Variants in ADGRL3 observed in about 807,000 individuals in gnomAD.
ADGRL3 encodes calcium-independent alpha-latrotoxin receptor 3.
A neutral mutation model predicts 153.5 loss-of-function variants in ADGRL3; 62 were observed. That is an observed-to-expected ratio of 0.40 (90% confidence interval 0.33 to 0.50). ADGRL3 has a LOEUF of 0.50. Ranked by LOEUF, ADGRL3 falls within the 20% of genes least tolerant of loss-of-function variation. The pLI, the probability that ADGRL3 is intolerant of heterozygous loss-of-function variation, is 0.47. For missense variants in ADGRL3, 1,641 were observed against 1,859.4 expected (o/e 0.88, Z 2.16); for synonymous variants, 710 against 672.5 (o/e 1.06, Z -0.86).
At chr4:61,821,325 T>C (rs2097754410) in intron 9 of ADGRL3, among the ~76,000 whole-genome samples, 1 of 146,168 alleles carries the variant, frequency 6.8e-6, no homozygotes, top group Admixed American at 7.0e-5. Flanking sequence ...TATAGTGAAC[T>C]ACTTTTTATT....
intron 2 of ADGRL3, among the ~76,000 whole-genome samples, chr4:61,483,839 A>G (rs1409364121): frequency 1.3e-5 from 2 of 150,880 alleles, no homozygotes; most frequent in Non-Finnish European, 1.5e-5. Flanking sequence ...ATATGTAGTT[A>G]TATGTACATT....
intron 6 of ADGRL3, among the ~76,000 whole-genome samples, chr4:61,685,145 T>C (rs2095419219): frequency 6.6e-6 from 1 of 152,036 alleles, no homozygotes; most frequent in African/African-American, 2.4e-5. Flanking sequence ...CTCAAACTCC[T>C]GGGCTCAAGA....
At chr4:62,043,343 A>T (rs1344177226) in intron 24 of ADGRL3, among the ~76,000 whole-genome samples, 1 of 152,070 alleles carries the variant, frequency 6.6e-6, no homozygotes, top group Non-Finnish European at 1.5e-5. Flanking sequence ...TTAACCAACT[A>T]ATAAAACAAA....
intron 9 of ADGRL3, among the ~76,000 whole-genome samples, chr4:61,822,337 C>T (rs187272245): frequency 6.6e-6 from 1 of 151,966 alleles, no homozygotes; most frequent in Non-Finnish European, 1.5e-5. Flanking sequence ...TAAGTATGTA[C>T]CTTGTATCAA....
intron 8 of ADGRL3, among the ~76,000 whole-genome samples, chr4:61,812,571 A>C (rs2097642732): frequency 6.6e-6 from 1 of 152,218 alleles, no homozygotes; most frequent in African/African-American, 2.4e-5. Context: ...TTGTAGAAAG[A>C]AAGTAGTGGG....
chr4:61,661,417 T>A (rs1252892446), intron 5 of ADGRL3, among the ~76,000 whole-genome samples: 1 of 152,094 alleles, frequency 6.6e-6, no homozygotes, highest in Middle Eastern at 3.2e-3. Context: ...GGTTTCTTAA[T>A]AAAGGGAGAC....
Position 61,836,890 on chromosome 4 carries a change from G to A in ADGRL3, c.1480+23001G>A, listed in dbSNP as rs750147743. Among the ~76,000 whole-genome samples the A allele has an allele frequency of 1.2e-3, 186 of 152,048 alleles. 1 individual carries two copies. The highest frequency in any genetic ancestry group is 3.7e-3 in the African/African-American group (154 of 41,470). ...AATACTGAATAATACAAGAAAAATC[G>A]AAATCGAAGACTTAGGAAATATCAT... On this transcript the variant is annotated intron_variant, in intron 9 of 26. Coordinates refer to ENST00000683033, the MANE Select transcript of ADGRL3 (RefSeq NM_001387552.1).
intron 6 of ADGRL3, among the ~76,000 whole-genome samples, chr4:61,730,341 T>C (rs1479160476): frequency 6.6e-6 from 1 of 151,924 alleles, no homozygotes; most frequent in Non-Finnish European, 1.5e-5. Flanking sequence ...ATTTCCTGTG[T>C]CTGTAATTTG....
intron 1 of ADGRL3, among the ~76,000 whole-genome samples, chr4:61,253,192 A>T (rs899642529): frequency 6.6e-6 from 1 of 152,202 alleles, no homozygotes; most frequent in East Asian, 1.9e-4. Flanking sequence ...TTCCCCAGCT[A>T]TCAAGAATTA....
intron 5 of ADGRL3, among the ~76,000 whole-genome samples, chr4:61,622,231 C>T (rs1440804610): frequency 6.6e-6 from 1 of 151,932 alleles, no homozygotes; most frequent in Non-Finnish European, 1.5e-5. Context: ...TTCTGTAAAG[C>T]TTCTATATTC....
intron 5 of ADGRL3, among the ~76,000 whole-genome samples, chr4:61,660,166 G>A (rs1467060028): frequency 6.6e-6 from 1 of 152,098 alleles, no homozygotes; most frequent in African/African-American, 2.4e-5. Flanking sequence ...CTTTCTTCGT[G>A]TATGCATACC....
intron 5 of ADGRL3, among the ~76,000 whole-genome samples, chr4:61,600,351 T>A (rs2099006316): frequency 1.4e-5 from 2 of 146,056 alleles, no homozygotes; most frequent in Non-Finnish European, 3.0e-5. Context: ...AAATGAGATA[T>A]TCAACAACTG....
intron 1 of ADGRL3, among the ~76,000 whole-genome samples, chr4:61,277,042 G>T (rs2093496295): frequency 6.6e-6 from 1 of 152,086 alleles, no homozygotes; most frequent in African/African-American, 2.4e-5. Context: ...TTATTTAAAA[G>T]ATAAGTCTGA....
chr4:61,564,640 A>G (rs974737617), intron 4 of ADGRL3, among the ~76,000 whole-genome samples: 19 of 152,188 alleles, frequency 1.2e-4, no homozygotes, highest in African/African-American at 3.6e-4. Flanking sequence ...TACATTCACA[A>G]CTTGACTGCT....
chr4:62,050,221 C>A (rs948887067), intron 25 of ADGRL3, among the ~76,000 whole-genome samples: 1 of 152,018 alleles, frequency 6.6e-6, no homozygotes, highest in Admixed American at 6.6e-5. Flanking sequence ...ATGCACATTG[C>A]ATCTGCTTAT....
At chr4:61,782,641 G>A (rs1281313286) in intron 8 of ADGRL3, among the ~76,000 whole-genome samples, 2 of 152,054 alleles carry the variant, frequency 1.3e-5, no homozygotes, top group Admixed American at 1.3e-4. Flanking sequence ...TTTCACTGGT[G>A]TTTTTTCCCT....
intron 1 of ADGRL3, among the ~76,000 whole-genome samples, chr4:61,291,567 CATATATATATATATACAT>C (rs1560434281): frequency 7.4e-6 from 1 of 134,370 alleles, no homozygotes; most frequent in African/African-American, 3.1e-5. Context: ...TATATATATA[CATATATATATATATACAT>C]ATATATATAT....
At chr4:61,693,100 G>T (rs1054527477) in intron 6 of ADGRL3, among the ~76,000 whole-genome samples, 5 of 151,784 alleles carry the variant, frequency 3.3e-5, no homozygotes, top group Admixed American at 6.6e-5. Context: ...ATAAGAATAG[G>T]TTTTTTTATT....
intron 15 of ADGRL3, among the ~76,000 whole-genome samples, chr4:61,939,200 A>G (rs1199087693): frequency 2.0e-5 from 3 of 152,178 alleles, no homozygotes; most frequent in South Asian, 2.1e-4. Context: ...TAAGACAGGT[A>G]AAGATTGTGA....
Sources: allele counts gnomAD v4.1 joint callset (sites outside exome capture counted in the v4.1 genomes callset), GRCh38; gene constraint gnomAD v4.1.1; transcripts MANE v1.5; gene names NCBI Gene and HGNC (gene_info 2026-07-23, HGNC 2026-07-21).